SNCAIP: variants seen among roughly 807,000 people sequenced by gnomAD.
The protein encoded by SNCAIP is synphilin-1.
Under a neutral mutation model 86.7 loss-of-function variants are expected in SNCAIP, and 43 were observed. The observed-to-expected ratio is 0.50, with a 90% CI of 0.39 to 0.64. The LOEUF (loss-of-function observed/expected upper bound fraction) is 0.64, where lower values mean the gene tolerates loss of function less well. Among genes scored for constraint, SNCAIP ranks in the 30% least tolerant of loss-of-function variants. The pLI, the probability that SNCAIP is intolerant of heterozygous loss-of-function variation, is 0.00. For missense variants in SNCAIP, 981 were observed against 1,103.1 expected, an observed-to-expected ratio of 0.89 and a Z score of 1.57; for synonymous variants, 417 against 427.2, an observed-to-expected ratio of 0.98 and a Z score of 0.29.
At chr5:122,450,389 T>G in intron 9 of SNCAIP, 144 bp from the exon 10 acceptor site, 1 of 730,662 alleles carries the variant, frequency 1.4e-6, no homozygotes, top group Non-Finnish European at 2.4e-6. Context: ...TATTTGCACA[T>G]TGTTTCGAAA....
intron 1 of SNCAIP, among the ~76,000 whole-genome samples, chr5:122,362,799 G>C (rs1295270669): frequency 6.6e-6 from 1 of 152,104 alleles, no homozygotes; most frequent in African/African-American, 2.4e-5. Context: ...TCCTTGATAA[G>C]ATAATGATAA....
chr5:122,344,400 T>C lies in SNCAIP; in HGVS notation c.-47+32116T>C, dbSNP rs1230190449. Among the ~76,000 whole-genome samples, 3 of 152,348 alleles carry C rather than the reference T, an allele frequency of 2.0e-5. No individual in the cohort carries two copies. The East Asian group carries it at 5.8e-4, about 29-fold the overall frequency. On this transcript the variant is annotated intron_variant, in intron 1 of 10. Coordinates refer to ENST00000261368, the MANE Select transcript of SNCAIP (RefSeq NM_005460.4). ...GTATAATCATTCTACTTAATGGTTT[T>C]ATAATTAATTAATCAATCCATAATT...
At chr5:122,367,792 G>A (rs972871948) in intron 1 of SNCAIP, among the ~76,000 whole-genome samples, 3 of 152,122 alleles carry the variant, frequency 2.0e-5, no homozygotes, top group African/African-American at 7.2e-5. Context: ...CAGTTGTATA[G>A]CACTCTGCAT....
At chr5:122,324,313 G>A (rs1283972495) in intron 1 of SNCAIP, among the ~76,000 whole-genome samples, 3 of 152,190 alleles carry the variant, frequency 2.0e-5, no homozygotes, top group Non-Finnish European at 4.4e-5. Context: ...GAAGGGTCCT[G>A]CTGGGGACCA....
chr5:122,412,743 A>G (rs1231566502), intron 3 of SNCAIP, among the ~76,000 whole-genome samples: 1 of 152,158 alleles, frequency 6.6e-6, no homozygotes, highest in African/African-American at 2.4e-5. Flanking sequence ...TAGATGTCTC[A>G]TGGAATTCTA....
intron 8 of SNCAIP, among the ~76,000 whole-genome samples, chr5:122,447,235 G>T (rs762225051): frequency 7.9e-5 from 12 of 152,294 alleles, no homozygotes; most frequent in Non-Finnish European, 1.2e-4. Context: ...GAGGGAGCCA[G>T]CCTGGCCAGC....
chr5:122,421,973 A>G (rs1216301238), intron 3 of SNCAIP, among the ~76,000 whole-genome samples: 1 of 149,858 alleles, frequency 6.7e-6, no homozygotes, highest in African/African-American at 2.5e-5. Context: ...AATGCAAACC[A>G]ACACACAATC....
At chr5:122,410,690 G>A (rs1044559520) in intron 3 of SNCAIP, among the ~76,000 whole-genome samples, 3 of 152,090 alleles carry the variant, frequency 2.0e-5, no homozygotes, top group Admixed American at 2.0e-4. Context: ...GGTGGTAGTG[G>A]CACACCTCTG....
Position 122,339,305 on chromosome 5 carries a change from G to A in SNCAIP, c.-47+27021G>A, listed in dbSNP as rs1430211337. ...TTCCCATCTAAGTCAAAGAGAGACC[G>A]AAGTCTTGGGTTGTCTTCCATTTTA... is the stretch of plus-strand genomic sequence containing the variant. On this transcript the variant is annotated intron_variant, in intron 1 of 10. Coordinates refer to ENST00000261368, the MANE Select transcript of SNCAIP (RefSeq NM_005460.4). Among the ~76,000 whole-genome samples the A allele has an allele frequency of 5.3e-5, 8 of 152,298 alleles. No individual in the cohort carries two copies. The East Asian group carries it at 7.7e-4, about 15-fold the overall frequency.
intron 1 of SNCAIP, among the ~76,000 whole-genome samples, chr5:122,335,621 T>C (rs1262904896): frequency 6.6e-6 from 1 of 152,144 alleles, no homozygotes; most frequent in Non-Finnish European, 1.5e-5. Context: ...TGCTGTTGGA[T>C]TCAACACCTG....
At chr5:122,443,487 T>G in intron 7 of SNCAIP, 1 of 361,832 alleles carries the variant, frequency 2.8e-6, no homozygotes, top group Non-Finnish European at 5.6e-6. Context: ...ACTTTCTCCT[T>G]TCTTATGACT....
At chr5:122,339,295 A>G (rs563987294) in intron 1 of SNCAIP, among the ~76,000 whole-genome samples, 27 of 152,308 alleles carry the variant, frequency 1.8e-4, no homozygotes, top group Non-Finnish European at 3.5e-4. Flanking sequence ...ATCTAAGTCA[A>G]AGAGAGACCG....
chr5:122,390,847 A>G (rs575468055), intron 1 of SNCAIP, among the ~76,000 whole-genome samples: 79 of 152,306 alleles, frequency 5.2e-4, no homozygotes, highest in African/African-American at 1.8e-3. Context: ...AAACAGGCAC[A>G]TATCAAATAA....
In SNCAIP at chr5:122,451,372, G is replaced by A. The variant is rs1179242648; in HGVS notation, c.2525G>A (p.Arg842Lys). Reference protein sequence around the residue: ...LNGEKDKDKGRTLQRTSTSNE... With the variant: ...LNGEKDKDKGKTLQRTSTSNE... Reference sequence around the variant, plus strand: ...GGAGAAAAAGACAAAGATAAGGGCAGGACTCTCCAGCGGACCTCCACAAGT... The same window carrying A: ...GGAGAAAAAGACAAAGATAAGGGCAAGACTCTCCAGCGGACCTCCACAAGT... The change falls in exon 10 of 11, where the codon AGG becomes AAG. Residue 842 changes from arginine to lysine, a missense_variant. Coordinates refer to ENST00000261368, the MANE Select transcript of SNCAIP (RefSeq NM_005460.4). The A allele has an allele frequency of 1.2e-6, 2 of 1,614,150 alleles. No homozygotes were observed. Among genetic ancestry groups the A allele is most frequent in the African/African-American group, 1.3e-5 (1 of 75,036 alleles).
Position 122,423,712 on chromosome 5 carries a change from T to A in SNCAIP, c.975T>A (p.Ile325=), listed in dbSNP as rs765699982. 1.2e-6 allele frequency: 2 copies of A among 1,602,612 alleles called. No individual in the cohort carries two copies. Among genetic ancestry groups the A allele is most frequent in the Non-Finnish European group, 1.7e-6 (2 of 1,179,906 alleles). ...AAAAAGTGAAAAGCATCTTGAACAT[T>A]GTTAAAGAAGGACAGATCTCTCTCC... The part of the protein sequence containing the change: ...YLKKVKSILN[I]VKEGQISLLP... The change falls in exon 4 of 11, where the codon ATT becomes ATA. Residue 325 remains isoleucine, a synonymous_variant. Coordinates refer to ENST00000261368, the MANE Select transcript of SNCAIP (RefSeq NM_005460.4).
intron 1 of SNCAIP, among the ~76,000 whole-genome samples, chr5:122,386,719 C>A (rs992411336): frequency 6.6e-6 from 1 of 152,086 alleles, no homozygotes; most frequent in Non-Finnish European, 1.5e-5. Context: ...CTTTCCCTCT[C>A]TATCAGTTTT....
chr5:122,452,866 T>G, intron 10 of SNCAIP: 1 of 1,053,264 alleles, frequency 9.5e-7, no homozygotes, highest in Non-Finnish European at 1.4e-6. Context: ...TTACTGGGAC[T>G]TGTGCATGTG....
chr5:122,383,777 A>G (rs536754655), intron 1 of SNCAIP, among the ~76,000 whole-genome samples: 1 of 152,372 alleles, frequency 6.6e-6, no homozygotes, highest in Non-Finnish European at 1.5e-5. Flanking sequence ...GGAATTTTTC[A>G]GAGAAATCCT....
At chr5:122,352,481 T>C (rs530856700) in intron 1 of SNCAIP, among the ~76,000 whole-genome samples, 4 of 152,300 alleles carry the variant, frequency 2.6e-5, no homozygotes, top group Admixed American at 2.0e-4. Flanking sequence ...TTGAAAAGAA[T>C]CAGCCTCCTT....
Sources: allele counts gnomAD v4.1 joint callset (sites outside exome capture counted in the v4.1 genomes callset), GRCh38; gene constraint gnomAD v4.1.1; transcripts MANE v1.5; gene names NCBI Gene and HGNC (gene_info 2026-07-23, HGNC 2026-07-21).